Variants in PCSK5 observed in about 807,000 individuals in gnomAD.
The protein encoded by PCSK5 is proprotein convertase subtilisin/kexin type 5, also known as prohormone convertase 5.
Under a neutral mutation model 233.2 loss-of-function variants are expected in PCSK5, and 129 were observed. The observed-to-expected ratio is 0.55, with a 90% CI of 0.48 to 0.64. PCSK5 has a LOEUF of 0.64. Ranked by LOEUF, PCSK5 falls within the 30% of genes least tolerant of loss-of-function variation. The probability of loss-of-function intolerance (pLI) is 0.00; values close to 1 mark genes in which losing one functional copy is unlikely to be tolerated. For missense variants in PCSK5, 2,076 were observed against 2,430.1 expected (o/e 0.85, Z 3.06); for synonymous variants, 825 against 879.2 (o/e 0.94, Z 1.09).
rs1359491829 is a variant in PCSK5, at chr9:76,227,577, G to A, written c.2701G>A (p.Glu901Lys). ...SCAKCQGPTQ[E>K]DCTTCPMTRI... is the part of the protein sequence containing the mutation. ...TGCCAAGTGCCAGGGACCAACCCAG[G>A]AAGACTGCACTACCTGCCCCATGAC... Residue 901 changes from glutamate to lysine, a missense_variant, in exon 21 of 38, where the codon GAA becomes AAA. Physicochemically the swap from Glu to Lys is moderately conservative, Grantham distance 56 (BLOSUM62 1). Transcript: ENST00000674117. The A allele has an allele frequency of 6.2e-7, 1 of 1,611,450 alleles. No individual in the cohort carries two copies. The highest frequency in any genetic ancestry group is 8.5e-7 in the Non-Finnish European group (1 of 1,179,158).
chr9:75,897,461 A>G (rs1225502250), intron 1 of PCSK5, among the ~76,000 whole-genome samples: 1 of 144,074 alleles, frequency 6.9e-6, no homozygotes, highest in Non-Finnish European at 1.5e-5. Flanking sequence ...CATATACTCT[A>G]TGGAGGTTGC....
intron 10 of PCSK5, among the ~76,000 whole-genome samples, chr9:76,156,324 GCTAA>G (rs1167002233): frequency 6.6e-6 from 1 of 152,158 alleles, no homozygotes; most frequent in Non-Finnish European, 1.5e-5. Context: ...CAATAGGTTT[GCTAA>G]CTGAGAACCA....
At chr9:76,296,944 T>C in intron 27 of PCSK5, 79 bp downstream of exon 27, 3 of 932,834 alleles carry the variant, frequency 3.2e-6, no homozygotes, top group East Asian at 4.8e-5. Flanking sequence ...CTGGTTTTTT[T>C]AGTTATCCAG....
At chr9:76,257,124 G>A (rs1164647506) in intron 24 of PCSK5, among the ~76,000 whole-genome samples, 1 of 152,170 alleles carries the variant, frequency 6.6e-6, no homozygotes, top group Non-Finnish European at 1.5e-5. Context: ...GCACCACTGT[G>A]TCACAGCACT....
rs186338153 is a variant in PCSK5, at chr9:76,126,626, G to A, written c.1209-7483G>A. Among the ~76,000 whole-genome samples the A allele has an allele frequency of 9.5e-4, 144 of 152,042 alleles. 2 individuals carry two copies. In the East Asian group the frequency reaches 0.024, roughly 25 times the overall value. On this transcript the variant is annotated intron_variant, in intron 9 of 37. Transcript: ENST00000674117. Reference sequence around the variant, plus strand: ...GAAACTCCATCTCAAAAAAAAAACCGTTTTTTACAGCAATATGGATGGACT... The same window carrying A: ...GAAACTCCATCTCAAAAAAAAAACCATTTTTTACAGCAATATGGATGGACT...
chr9:76,328,604 A>T (rs890487826), intron 33 of PCSK5, among the ~76,000 whole-genome samples: 2 of 151,060 alleles, frequency 1.3e-5, no homozygotes, highest in East Asian at 1.9e-4. Flanking sequence ...GAAGGCATAC[A>T]TCATGGCCCC....
At chr9:75,916,879 G>A (rs144101708) in intron 1 of PCSK5, among the ~76,000 whole-genome samples, 430 of 152,268 alleles carry the variant, frequency 2.8e-3, no homozygotes, top group African/African-American at 9.8e-3. Context: ...TTTAAAGATG[G>A]GAAAAGCAGG....
intron 20 of PCSK5, among the ~76,000 whole-genome samples, chr9:76,224,777 C>A (rs563282016): frequency 1.3e-5 from 2 of 152,258 alleles, no homozygotes; most frequent in Admixed American, 1.3e-4. Context: ...AGTATTAAAG[C>A]CACCTACTGG....
intron 5 of PCSK5, among the ~76,000 whole-genome samples, chr9:76,061,067 A>G (rs1165692422): frequency 1.3e-5 from 2 of 152,188 alleles, no homozygotes; most frequent in Non-Finnish European, 2.9e-5. Context: ...GTGTTAGTAC[A>G]TATTTATAAA....
At chr9:76,294,549 T>G (rs187159116) in intron 25 of PCSK5, among the ~76,000 whole-genome samples, 2 of 152,292 alleles carry the variant, frequency 1.3e-5, no homozygotes, top group Non-Finnish European at 1.5e-5. Context: ...AGACTTTGGT[T>G]AAAATCCCAG....
intron 17 of PCSK5, among the ~76,000 whole-genome samples, chr9:76,186,434 C>T (rs1404624438): frequency 6.6e-6 from 1 of 152,192 alleles, no homozygotes; most frequent in Non-Finnish European, 1.5e-5. Flanking sequence ...CTTAGCCATA[C>T]TATAGCCACC....
At chr9:76,196,250 C>T (rs1342847098) in intron 20 of PCSK5, among the ~76,000 whole-genome samples, 1 of 152,222 alleles carries the variant, frequency 6.6e-6, no homozygotes, top group African/African-American at 2.4e-5. Flanking sequence ...AGCACACCCA[C>T]TAGTATGTGT....
chr9:76,087,409 G>A (rs989528642), intron 7 of PCSK5, among the ~76,000 whole-genome samples: 4 of 152,180 alleles, frequency 2.6e-5, no homozygotes, highest in African/African-American at 7.2e-5. Context: ...CATTGTCCTT[G>A]ACACTAGTCT....
At chr9:75,923,223 A>C (rs1395703646) in intron 1 of PCSK5, among the ~76,000 whole-genome samples, 2 of 152,216 alleles carry the variant, frequency 1.3e-5, no homozygotes, top group Non-Finnish European at 2.9e-5. Flanking sequence ...TTTTAGGTTT[A>C]GAGTCAGTTT....
At chr9:76,091,402 C>T (rs770632127) in intron 7 of PCSK5, among the ~76,000 whole-genome samples, 84 of 152,218 alleles carry the variant, frequency 5.5e-4, no homozygotes, top group African/African-American at 1.5e-3. Flanking sequence ...CAGTCCTGTG[C>T]GGCCCCACAC....
rs577019067 is a variant in PCSK5, at chr9:75,925,719, A to G, written c.193-6660A>G. Among the ~76,000 whole-genome samples, 4 of 152,324 alleles carry G rather than the reference A, an allele frequency of 2.6e-5. No homozygotes were observed. The South Asian group carries it at 8.3e-4, about 32-fold the overall frequency. ...AGGAAGGAGGTGCAAGGGCCCCAAG[A>G]TTGGGAATGCTCTTGGTGAGTAAGG... On this transcript the variant is annotated intron_variant, in intron 1 of 37. Transcript: ENST00000674117.
intron 2 of PCSK5, among the ~76,000 whole-genome samples, chr9:75,947,068 TC>T (rs1221680902): frequency 6.6e-6 from 1 of 152,210 alleles, no homozygotes; most frequent in Non-Finnish European, 1.5e-5. Flanking sequence ...GCTTCTTTGT[TC>T]CTGCAGTACG....
intron 24 of PCSK5, among the ~76,000 whole-genome samples, chr9:76,245,150 C>T (rs1029897286): frequency 1.1e-4 from 17 of 152,054 alleles, no homozygotes; most frequent in Non-Finnish European, 1.9e-4. Context: ...AGATTATATA[C>T]CATTGACTTG....
At chr9:76,099,206 C>A (rs964906251) in intron 8 of PCSK5, among the ~76,000 whole-genome samples, 1 of 152,114 alleles carries the variant, frequency 6.6e-6, no homozygotes, top group African/African-American at 2.4e-5. Flanking sequence ...TCCCAAATTA[C>A]CCCCAATTGG....
Sources: allele counts gnomAD v4.1 joint callset (sites outside exome capture counted in the v4.1 genomes callset), GRCh38; gene constraint gnomAD v4.1.1; transcripts MANE v1.5; gene names NCBI Gene and HGNC (gene_info 2026-07-23, HGNC 2026-07-21).